Variants in GRAMD2B observed in about 807,000 individuals in gnomAD.
GRAMD2B encodes the protein GRAM domain-containing protein 2B.
Under a neutral mutation model 59.2 loss-of-function variants are expected in GRAMD2B, and 41 were observed. That is an observed-to-expected ratio of 0.69 (90% CI 0.54 to 0.90). The LOEUF (loss-of-function observed/expected upper bound fraction) is 0.90. Among genes scored for constraint, GRAMD2B ranks in the 40% least tolerant of loss-of-function variants. The probability of loss-of-function intolerance (pLI) is 0.00; values close to 1 mark genes in which losing one functional copy is unlikely to be tolerated. For missense variants in GRAMD2B, 424 were observed against 500.5 expected (o/e 0.85, Z 1.46); for synonymous variants, 161 against 182.7 (o/e 0.88, Z 0.96).
intron 1 of GRAMD2B, among the ~76,000 whole-genome samples, chr5:126,364,766 C>T (rs184294842): frequency 1.9e-4 from 29 of 152,360 alleles, no homozygotes; most frequent in Admixed American, 4.6e-4. Context: ...TCTATATCCT[C>T]TATCATCTAG....
chr5:126,425,649 C>G (rs1031949862), intron 1 of GRAMD2B, among the ~76,000 whole-genome samples: 2 of 152,100 alleles, frequency 1.3e-5, no homozygotes, highest in South Asian at 2.1e-4. Context: ...ACCTGTGGTC[C>G]CAGCTGCTCG....
At chr5:126,447,765 T>G (rs1360984625) in intron 1 of GRAMD2B, among the ~76,000 whole-genome samples, 1 of 152,028 alleles carries the variant, frequency 6.6e-6, no homozygotes, top group Admixed American at 6.5e-5. Context: ...TGAACCTTTT[T>G]GTGGGGATAC....
At chr5:126,419,906 T>C (rs913365567), upstream of GRAMD2B, among the ~76,000 whole-genome samples, 10 of 151,690 alleles carry the variant, frequency 6.6e-5, no homozygotes, top group Non-Finnish European at 1.5e-4. Flanking sequence ...AATACAAAAA[T>C]TAGCTGGGCG....
intron 6 of GRAMD2B, among the ~76,000 whole-genome samples, chr5:126,478,910 C>T (rs984622980): frequency 1.3e-5 from 2 of 152,170 alleles, no homozygotes; most frequent in South Asian, 2.1e-4. Flanking sequence ...ATAAAACTTG[C>T]ACCTGCTCTG....
In GRAMD2B at chr5:126,381,938, T is replaced by C. The variant is rs528109731; in HGVS notation, c.125+10371T>C. On this transcript the variant is annotated intron_variant, in intron 1 of 8. Transcript: ENST00000506445. ...GTTTGTCTGAAAAAGTCTTTATCTTTCCTTCATTTATGAAGCTTAGTTTTG... is the reference window on the plus strand; with the variant it reads ...GTTTGTCTGAAAAAGTCTTTATCTTCCCTTCATTTATGAAGCTTAGTTTTG... Among the ~76,000 whole-genome samples the C allele has an allele frequency of 9.2e-5, 14 of 152,328 alleles. No homozygotes were observed. The South Asian group carries it at 2.9e-3, about 32-fold the overall frequency.
chr5:126,439,372 G>A (rs144204607), intron 1 of GRAMD2B, among the ~76,000 whole-genome samples: 3,090 of 144,206 alleles, frequency 0.021, 49 homozygotes, highest in Middle Eastern at 0.031. Context: ...TGTTGCCCAG[G>A]CTGAAGTGCA....
At chr5:126,417,167 G>A (rs760732954) in intron 1 of GRAMD2B, among the ~76,000 whole-genome samples, 1 of 152,234 alleles carries the variant, frequency 6.6e-6, no homozygotes, top group African/African-American at 2.4e-5. Context: ...TTCACATCTT[G>A]TGTAGTTCTC....
At position 126,469,727 on chromosome 5, in the gene GRAMD2B, G is replaced by A. The variant is rs760146367; in HGVS notation, c.254G>A (p.Cys85Tyr). 2 of 1,613,892 alleles carry A rather than the reference G, an allele frequency of 1.2e-6. No individual in the cohort carries two copies. The highest frequency in any genetic ancestry group is 8.5e-7 in the Non-Finnish European group (1 of 1,179,930). Residue 85 changes from cysteine (C) to tyrosine (Y), a missense_variant, in exon 3 of 14, where the codon TGT (cysteine) becomes TAT (tyrosine). Transcript: ENST00000285689. ...TCTTTAGCAAGTGATAAGAACGACT[G>A]TAAAACAGAAAGCAAAAATGACCCT... is the stretch of plus-strand genomic sequence containing the variant. ...GASLASDKND[C>Y]KTESKNDPKT...
At chr5:126,411,358 G>C (rs181757217) in intron 1 of GRAMD2B, among the ~76,000 whole-genome samples, 4 of 152,192 alleles carry the variant, frequency 2.6e-5, no homozygotes, top group Admixed American at 2.0e-4. Flanking sequence ...ATTGAAAAGG[G>C]AGTCCTTTCC....
intron 1 of GRAMD2B, among the ~76,000 whole-genome samples, chr5:126,405,069 T>A (rs891795745): frequency 3.3e-5 from 5 of 151,878 alleles, no homozygotes; most frequent in Non-Finnish European, 5.9e-5. Flanking sequence ...AGAGGCTGCT[T>A]ACTCTTAACC....
At chr5:126,464,538 G>C (rs1428399359) in intron 1 of GRAMD2B, among the ~76,000 whole-genome samples, 1 of 152,170 alleles carries the variant, frequency 6.6e-6, no homozygotes, top group Non-Finnish European at 1.5e-5. Context: ...GTTGTCCTCT[G>C]TTTGTTGGTT....
intron 1 of GRAMD2B, among the ~76,000 whole-genome samples, chr5:126,434,643 G>A (rs987840658): frequency 6.6e-6 from 1 of 151,776 alleles, no homozygotes; most frequent in African/African-American, 2.4e-5. Context: ...TCAGCCTCCC[G>A]AGTAGCTGGG....
chr5:126,456,118 G>A (rs1474605071), intron 1 of GRAMD2B, among the ~76,000 whole-genome samples: 1 of 152,138 alleles, frequency 6.6e-6, no homozygotes, highest in South Asian at 2.1e-4. Flanking sequence ...TTTTAAAATT[G>A]TTTAAATGCT....
intron 1 of GRAMD2B, among the ~76,000 whole-genome samples, chr5:126,361,368 G>A (rs1178937977): frequency 2.6e-5 from 4 of 151,856 alleles, no homozygotes; most frequent in African/African-American, 9.7e-5. Flanking sequence ...TTTCCTTTCA[G>A]ACTGGGCTTT....
exon 1 of GRAMD2B, chr5:126,360,451 C>T (rs1249497606): frequency 1.9e-6 from 3 of 1,550,472 alleles, no homozygotes; most frequent in African/African-American, 2.7e-5. Flanking sequence ...TGGGTCCGGA[C>T]CTGGAACTGT....
At chr5:126,413,466 A>G (rs1408608872) in intron 1 of GRAMD2B, among the ~76,000 whole-genome samples, 1 of 151,982 alleles carries the variant, frequency 6.6e-6, no homozygotes, top group African/African-American at 2.4e-5. Context: ...CATTTTGACT[A>G]TGGCTGGTAT....
At chr5:126,481,986 A>T (rs558992628) in intron 8 of GRAMD2B, among the ~76,000 whole-genome samples, 1 of 72,110 alleles carries the variant, frequency 1.4e-5, no homozygotes, top group Non-Finnish European at 3.2e-5. Context: ...AAAAAAAAAA[A>T]GGGGAGATGA....
At chr5:126,405,747 C>T (rs927299508) in intron 1 of GRAMD2B, among the ~76,000 whole-genome samples, 10 of 150,768 alleles carry the variant, frequency 6.6e-5, no homozygotes, top group African/African-American at 1.9e-4. Flanking sequence ...TATATTAAAA[C>T]ACCGTTTGCT....
intron 1 of GRAMD2B, among the ~76,000 whole-genome samples, chr5:126,432,111 T>C (rs1761660403): frequency 6.6e-6 from 1 of 151,866 alleles, no homozygotes; most frequent in East Asian, 1.9e-4. Context: ...TTATTTTTTG[T>C]TGAGACAGGG....
Sources: gnomAD v4.1 joint callset for allele counts (sites outside exome capture counted in the v4.1 genomes callset) on GRCh38, gnomAD v4.1.1 for gene constraint, MANE v1.5 for transcripts, NCBI Gene and HGNC (gene_info 2026-07-23, HGNC 2026-07-21) for gene names.